The following TONSL variants were observed in gnomAD, a reference collection of about 807,000 sequenced individuals.
TONSL encodes tonsoku like, DNA repair protein, also known as tonsoku-like protein.
TONSL carries 112 observed loss-of-function variants against 147.1 expected under a neutral mutation model. The ratio of observed to expected loss-of-function variants is 0.76; its 90% CI spans 0.65 to 0.89. The LOEUF (loss-of-function observed/expected upper bound fraction) is 0.89. TONSL is among the 40% of genes least tolerant of loss of function. TONSL has a pLI of 0.00. For synonymous variants in TONSL, 868 were observed against 801.5 expected, an observed-to-expected ratio of 1.08 and a Z score of -1.40; for missense variants, 1,883 against 1,864.6, an observed-to-expected ratio of 1.01 and a Z score of -0.18.
intron 18 of TONSL, 122 bp downstream of exon 18, chr8:144,435,352 C>A: frequency 8.1e-7 from 1 of 1,242,138 alleles, no homozygotes; most frequent in East Asian, 2.6e-5. Flanking sequence ...CTGGGGGCCA[C>A]AGGATCCTCC....
chr8:144,435,275 C>T (rs1395380301), intron 18 of TONSL, 105 bp from the exon 19 acceptor site: 1 of 1,404,374 alleles, frequency 7.1e-7, no homozygotes, highest in East Asian at 2.5e-5. Context: ...AGCTGCTTCT[C>T]CCATTCCCAG....
At chr8:144,444,140 GC>G (rs978847576) in intron 2 of TONSL, 39 bp downstream of exon 2, 1 of 1,352,014 alleles carries the variant, frequency 7.4e-7, no homozygotes, top group Non-Finnish European at 9.5e-7. Context: ...CCGGGCCCGG[GC>G]CCCGGCCCTG....
In TONSL at chr8:144,434,216, C is replaced by G; in HGVS notation, c.3149G>C (p.Cys1050Ser). 1 of 1,565,212 alleles carries G rather than the reference C, an allele frequency of 6.4e-7. No homozygotes were observed. Among genetic ancestry groups the G allele is most frequent in the Non-Finnish European group, 8.7e-7 (1 of 1,152,714 alleles). The change falls in exon 21 of 26, where the codon TGC becomes TCC. Residue 1050 changes from cysteine to serine, a missense_variant. Transcript: ENST00000409379. ...LQGLGLSFSA[C>S]SLALDQAQLT... ...CTGGGCCTGGTCCAGGGCCAGGGAG[C>G]AGGCGCTGAACGAGAGGCCCAAGCC...
chr8:144,431,109 G>C lies in TONSL; in HGVS notation c.3778C>G (p.Leu1260Val), dbSNP rs1823169828. The C allele has an allele frequency of 6.2e-7, 1 of 1,614,062 alleles. No homozygotes were observed. The highest frequency in any genetic ancestry group is 1.1e-5 in the South Asian group (1 of 91,092). Residue 1260 changes from leucine to valine, a missense_variant, in exon 24 of 26, where the codon CTG (leucine) becomes GTG (valine). Physicochemically the swap from Leu to Val is conservative, Grantham distance 32. Coordinates refer to ENST00000409379, the MANE Select transcript of TONSL (RefSeq NM_013432.5). ...LAHLTLSANHLGDKAVRDLCR... is the reference protein window; with the variant it reads ...LAHLTLSANHVGDKAVRDLCR... ...AGGTCTCTAACAGCCTTGTCCCCCA[G>C]GTGGTTTGCAGACAGGGTCAGGTGG... is the stretch of plus-strand genomic sequence containing the variant.
In TONSL at chr8:144,437,045, AG is replaced by A. The variant is rs1242413874; in HGVS notation, c.1707del (p.Cys570AlafsTer6). On this transcript the variant is annotated frameshift_variant, in exon 14 of 26. Transcript: ENST00000409379. LOFTEE classifies it high-confidence loss of function. ...DYCGWTPLHEACNYGHLEIVR... is the reference protein window; with the variant it reads ...DYCGWTPLHEXCNYGHLEIVR... ...TGCTCACCTAGATGCCCGTAGTTGCAGGCCTCGTGCAGAGGTGTCCAGCCAC... is the reference window on the plus strand; with the variant it reads ...TGCTCACCTAGATGCCCGTAGTTGCAGCCTCGTGCAGAGGTGTCCAGCCAC... 3 of 1,613,296 alleles carry A rather than the reference AG, an allele frequency of 1.9e-6. No individual in the cohort carries two copies.
rs1312329375 is a variant in TONSL, at chr8:144,434,028, C to T, written c.3337G>A (p.Glu1113Lys). ...CCCATGGCAAGCTGGCGCAGGCCTTCGGGACCCAGGTGATTGGAGGAGAGG... is the reference window on the plus strand; with the variant it reads ...CCCATGGCAAGCTGGCGCAGGCCTTTGGGACCCAGGTGATTGGAGGAGAGG... ...LDLSSNHLGP[E>K]GLRQLAMGLP... The change falls in exon 21 of 26, where the codon GAA becomes AAA. Residue 1113 changes from glutamate to lysine, a missense_variant. By Grantham distance (56) the Glu-to-Lys change is moderately conservative (BLOSUM62 1). Transcript: ENST00000409379. 56 of 1,606,772 alleles carry T rather than the reference C, an allele frequency of 3.5e-5. No homozygotes were observed. Among genetic ancestry groups the T allele is most frequent in the East Asian group, 8.9e-5 (4 of 44,754 alleles).
At chr8:144,433,547 C>G in intron 22 of TONSL, 41 bp downstream of exon 22, 1 of 1,597,124 alleles carries the variant, frequency 6.3e-7, no homozygotes, top group South Asian at 1.1e-5. Context: ...CCTCAATGCC[C>G]CAGGGCTAGG....
At chr8:144,441,330 C>T (rs1391360922) in intron 7 of TONSL, 6 of 620,726 alleles carry the variant, frequency 9.7e-6, no homozygotes, top group African/African-American at 3.7e-5. Context: ...CAGTGGCTCA[C>T]GCCTGTAATC....
At chr8:144,442,900 AC>A (rs1454166204) in intron 4 of TONSL, 94 bp from the exon 5 acceptor site, 7 of 1,466,886 alleles carry the variant, frequency 4.8e-6, no homozygotes, top group East Asian at 2.4e-5. Flanking sequence ...CGCCTCTCCT[AC>A]CCCCTCCCTC....
rs758921156 is a variant in TONSL at position 144,435,131 on chromosome 8, C to A, written c.2892G>T (p.Ala964=). 12 of 1,576,884 alleles carry A rather than the reference C, an allele frequency of 7.6e-6. No homozygotes were observed. The South Asian group carries it at 1.1e-4, about 15-fold the overall frequency. Residue 964 remains alanine (A), a synonymous_variant, in exon 19 of 26, where the codon GCG becomes GCT. Coordinates refer to ENST00000409379, the MANE Select transcript of TONSL (RefSeq NM_013432.5). ...CGCAGGTCTGGTAGTAGCGCTGGGC[C>A]GCCTGCTCGGCCAGCCAGGCCACAG... ...THSVAWLAEQ[A]AQRYYQTCGL... is the part of the protein sequence containing the mutation.
In TONSL at chr8:144,442,822, C is replaced by T; in HGVS notation, c.449-16G>A. On this transcript the variant is annotated splice_polypyrimidine_tract_variant and intron_variant, in intron 4 of 25. Transcript: ENST00000409379. ...GCCAGTGTCCCTGGAAGATACCCCC[C>T]CAAACACTCAGCCACTTCCTCCCCA... 6.2e-7 allele frequency: 1 copy of T among 1,605,230 alleles called. No homozygotes were observed. The highest frequency in any genetic ancestry group is 1.3e-5 in the African/African-American group (1 of 74,816).
intron 22 of TONSL, chr8:144,432,760 C>A (rs781812070): frequency 1.3e-4 from 38 of 290,158 alleles, no homozygotes; most frequent in Admixed American, 4.3e-4. Context: ...GTGCACTGAC[C>A]ATTGCTGCCC....
At chr8:144,438,403 G>T in intron 13 of TONSL, 68 bp downstream of exon 13, 1 of 1,528,536 alleles carries the variant, frequency 6.5e-7, no homozygotes, top group South Asian at 1.1e-5. Flanking sequence ...CAGAGATAGG[G>T]GATCCGGCAC....
intron 5 of TONSL, 72 bp from the exon 6 acceptor site, chr8:144,442,484 C>T (rs1823757364): frequency 6.7e-7 from 1 of 1,498,230 alleles, no homozygotes; most frequent in Non-Finnish European, 8.9e-7. Context: ...CGGGCCCCAG[C>T]CCTGCCATGC....
At chr8:144,442,975 T>A in intron 4 of TONSL, 163 bp downstream of exon 4, 2 of 1,223,308 alleles carry the variant, frequency 1.6e-6, no homozygotes, top group South Asian at 3.1e-5. Context: ...GAGCTGACGA[T>A]CTCCAGGGGA....
rs782500925 is a variant in TONSL at position 144,430,394 on chromosome 8, C to T, written c.3943+10G>A. The T allele has an allele frequency of 1.3e-6, 2 of 1,596,656 alleles. No homozygotes were observed. Among genetic ancestry groups the T allele is most frequent in the South Asian group, 2.3e-5 (2 of 88,670 alleles). ...AACATGGCAGGCGTGGCCACCATAC[C>T]AGCACTCACCTGACAGGCCAAGGAA... is the stretch of plus-strand genomic sequence containing the variant. On this transcript the variant is annotated intron_variant, in intron 25 of 25. Coordinates refer to ENST00000409379, the MANE Select transcript of TONSL (RefSeq NM_013432.5).
Position 144,440,348 on chromosome 8 carries a change from C to T in TONSL, c.1290+3G>A, listed in dbSNP as rs777083233. On this transcript the variant is annotated splice_donor_region_variant and intron_variant, in intron 10 of 25. Transcript: ENST00000409379. ...CCAGTATGGGTGGGATGGGCTCTCG[C>T]ACCTGCAGCTGGGGACGCTGGGCCT... is the stretch of plus-strand genomic sequence containing the variant. 3.8e-6 allele frequency: 6 copies of T among 1,585,028 alleles called. No individual in the cohort carries two copies. Among genetic ancestry groups the T allele is most frequent in the East Asian group, 2.3e-5 (1 of 44,324 alleles).
At chr8:144,431,412 CG>C (rs1414657368) in intron 23 of TONSL, among the ~76,000 whole-genome samples, 2 of 152,130 alleles carry the variant, frequency 1.3e-5, no homozygotes, top group South Asian at 2.1e-4. Context: ...ACCTTCCTGG[CG>C]GGGGGCAAGA....
rs978826432 is a variant in TONSL, at chr8:144,435,287, T to C, written c.2853-117A>G. On this transcript the variant is annotated intron_variant, in intron 18 of 25. Coordinates refer to ENST00000409379, the MANE Select transcript of TONSL (RefSeq NM_013432.5). ...CTCAGCTGCTTCTCCCATTCCCAGGTAGCCGGCCCCTCCTCTCCCTGCAGC... is the reference window on the plus strand; with the variant it reads ...CTCAGCTGCTTCTCCCATTCCCAGGCAGCCGGCCCCTCCTCTCCCTGCAGC... The C allele has an allele frequency of 1.0e-5, 14 of 1,375,276 alleles. No individual in the cohort carries two copies. In the African/African-American group the frequency reaches 1.8e-4, roughly 17 times the overall value. 85.2% of individuals were successfully genotyped at this position (1,375,276 alleles called of 1,614,324 possible).
Sources: allele counts gnomAD v4.1 joint callset (sites outside exome capture counted in the v4.1 genomes callset), GRCh38; gene constraint gnomAD v4.1.1; transcripts MANE v1.5; gene names NCBI Gene and HGNC (gene_info 2026-07-23, HGNC 2026-07-21).